Variants in CALCR observed in about 807,000 individuals in gnomAD.
CALCR encodes calcitonin receptor.
Under a neutral mutation model 59.5 loss-of-function variants are expected in CALCR, and 47 were observed. That is an observed-to-expected ratio of 0.79 (90% CI 0.63 to 1.01). The LOEUF is 1.01. Among genes scored for constraint, CALCR ranks in the 50% least tolerant of loss-of-function variants. CALCR has a pLI of 0.00. For synonymous variants in CALCR, 213 were observed against 211.3 expected (o/e 1.01, Z -0.07); for missense variants, 566 against 597.1 (o/e 0.95, Z 0.54).
chr7:93,521,326 G>A (rs1460244432), intron 2 of CALCR, among the ~76,000 whole-genome samples: 1 of 152,084 alleles, frequency 6.6e-6, no homozygotes, highest in Non-Finnish European at 1.5e-5. Flanking sequence ...TGGTATAGCA[G>A]CAGTTGGCCA....
chr7:93,467,412 T>C (rs972703334), intron 7 of CALCR, among the ~76,000 whole-genome samples: 1 of 151,664 alleles, frequency 6.6e-6, no homozygotes, highest in Non-Finnish European at 1.5e-5. Flanking sequence ...TTGACTAAGA[T>C]ATAGACAAAG....
intron 2 of CALCR, among the ~76,000 whole-genome samples, chr7:93,567,296 T>TA (rs1789885185): frequency 1.3e-5 from 2 of 152,092 alleles, no homozygotes; most frequent in South Asian, 2.1e-4. Context: ...GCAGGAGAAA[T>TA]AAAAAACACT....
chr7:93,497,015 A>G (rs1361681952), intron 2 of CALCR, among the ~76,000 whole-genome samples: 1 of 151,514 alleles, frequency 6.6e-6, no homozygotes, highest in Non-Finnish European at 1.5e-5. Flanking sequence ...ATGTTGCCAC[A>G]TAAAGCAAAA....
At chr7:93,449,655 T>C (rs1800071706) in intron 8 of CALCR, among the ~76,000 whole-genome samples, 1 of 152,068 alleles carries the variant, frequency 6.6e-6, no homozygotes, top group African/African-American at 2.4e-5. Flanking sequence ...TTCAATATTA[T>C]TTTATCAAGT....
chr7:93,483,408 T>TATAGATAG (rs71782849), intron 3 of CALCR, among the ~76,000 whole-genome samples: 108 of 140,884 alleles, frequency 7.7e-4, no homozygotes, highest in Admixed American at 1.8e-3. Context: ...GGGCTGACTG[T>TATAGATAG]ATAGATAGAT....
At chr7:93,516,867 C>T (rs756736955) in intron 2 of CALCR, among the ~76,000 whole-genome samples, 8 of 151,796 alleles carry the variant, frequency 5.3e-5, no homozygotes, top group East Asian at 1.9e-4. Context: ...TAAATTATCG[C>T]GGGTTTTTAG....
Position 93,468,787 on chromosome 7 carries a change from T to G in CALCR, c.449A>C (p.Tyr150Ser), listed in dbSNP as rs775662812. The change falls in exon 7 of 14, where the codon TAT becomes TCT. Residue 150 changes from tyrosine (Y) to serine (S), a missense_variant. Physicochemically the swap from Tyr to Ser is moderately radical, Grantham distance 144 (BLOSUM62 -2). Coordinates refer to ENST00000426151, the MANE Select transcript of CALCR (RefSeq NM_001742.4). ...CAAAGAATGACCCACAATAGCCAAA[T>G]AGTACAGAACATATGCATTCTGGAA... ...EKLKNAYVLY[Y>S]LAIVGHSLSI... is the part of the protein sequence containing the mutation. 11 of 1,608,898 alleles carry G rather than the reference T, an allele frequency of 6.8e-6. No homozygotes were observed. Among genetic ancestry groups the G allele is most frequent in the Non-Finnish European group, 9.3e-6 (11 of 1,176,552 alleles).
intron 2 of CALCR, among the ~76,000 whole-genome samples, chr7:93,544,311 T>G (rs1409496867): frequency 6.6e-6 from 1 of 152,106 alleles, no homozygotes; most frequent in Non-Finnish European, 1.5e-5. Context: ...TAAGGCTGGG[T>G]GTTCACAATT....
At chr7:93,440,563 G>A (rs1799879986) in intron 9 of CALCR, among the ~76,000 whole-genome samples, 1 of 151,696 alleles carries the variant, frequency 6.6e-6, no homozygotes, top group Non-Finnish European at 1.5e-5. Flanking sequence ...GTGTGTGTGT[G>A]CATGTAGAAA....
At chr7:93,509,340 A>C (rs1364345942) in intron 2 of CALCR, among the ~76,000 whole-genome samples, 1 of 152,194 alleles carries the variant, frequency 6.6e-6, no homozygotes, top group East Asian at 1.9e-4. Context: ...TTCAAGTATT[A>C]GAAATATATT....
intron 4 of CALCR, 141 bp from the exon 5 acceptor site, chr7:93,477,809 A>G: frequency 1.7e-6 from 1 of 588,586 alleles, no homozygotes; most frequent in Non-Finnish European, 3.1e-6. Context: ...CAAGTCATTT[A>G]TTTTGGAAAT....
At chr7:93,552,182 A>C (rs1326968445) in intron 2 of CALCR, among the ~76,000 whole-genome samples, 1 of 152,174 alleles carries the variant, frequency 6.6e-6, no homozygotes, top group African/African-American at 2.4e-5. Context: ...AGCCCTTCAG[A>C]CTAAATTTTC....
intron 9 of CALCR, among the ~76,000 whole-genome samples, chr7:93,440,960 T>C (rs892433962): frequency 6.6e-6 from 1 of 152,048 alleles, no homozygotes; most frequent in East Asian, 1.9e-4. Context: ...ACATAAACAA[T>C]TTACTTATTA....
At chr7:93,445,402 T>C (rs1185698632) in intron 8 of CALCR, among the ~76,000 whole-genome samples, 2 of 152,114 alleles carry the variant, frequency 1.3e-5, no homozygotes, top group Admixed American at 1.3e-4. Flanking sequence ...ATTAAGCATA[T>C]GTTTTGGAGG....
At chr7:93,456,004 C>T (rs1349866572) in intron 8 of CALCR, among the ~76,000 whole-genome samples, 2 of 151,954 alleles carry the variant, frequency 1.3e-5, no homozygotes, top group Non-Finnish European at 2.9e-5. Context: ...AGAGAGCAAC[C>T]CTATGTTGCT....
chr7:93,445,243 A>G (rs1410809326), intron 8 of CALCR, among the ~76,000 whole-genome samples: 1 of 152,132 alleles, frequency 6.6e-6, no homozygotes, highest in Non-Finnish European at 1.5e-5. Context: ...ATTATTTAAT[A>G]TAATGTTAGT....
intron 8 of CALCR, among the ~76,000 whole-genome samples, chr7:93,451,505 G>A (rs1484841564): frequency 1.3e-5 from 2 of 151,902 alleles, no homozygotes; most frequent in African/African-American, 2.4e-5. Context: ...TATACTCAGA[G>A]TCCCTTCTTT....
At chr7:93,568,656 C>T (rs1789928079) in intron 2 of CALCR, among the ~76,000 whole-genome samples, 1 of 150,892 alleles carries the variant, frequency 6.6e-6, no homozygotes, top group Admixed American at 6.6e-5. Context: ...AGATGTTTTA[C>T]TTTTCTTTTA....
chr7:93,434,389 G>GAAAAAA (rs200558502), intron 12 of CALCR, 95 bp from the exon 13 acceptor site: 32 of 512,008 alleles, frequency 6.2e-5, no homozygotes, highest in Admixed American at 2.4e-4. Context: ...AAGGCCTGAT[G>GAAAAAA]AAAAAAAAAA....
Sources: allele counts gnomAD v4.1 joint callset (sites outside exome capture counted in the v4.1 genomes callset), GRCh38; gene constraint gnomAD v4.1.1; transcripts MANE v1.5; gene names NCBI Gene and HGNC (gene_info 2026-07-23, HGNC 2026-07-21).